Variants in EPHB2 observed in about 807,000 individuals in gnomAD.
EPHB2 encodes EPH receptor B2.
EPHB2 carries 18 observed loss-of-function variants against 96.4 expected under a neutral mutation model. That is an observed-to-expected ratio of 0.19 (90% CI 0.13 to 0.28). EPHB2 has a LOEUF of 0.28. Ranked by LOEUF, EPHB2 falls within the 10% of genes least tolerant of loss-of-function variation. The pLI, the probability that EPHB2 is intolerant of heterozygous loss-of-function variation, is 1.00. For missense variants in EPHB2, 989 were observed against 1,355.4 expected, an observed-to-expected ratio of 0.73 and a Z score of 4.25; for synonymous variants, 506 against 534.1, an observed-to-expected ratio of 0.95 and a Z score of 0.72.
At chr1:22,724,741 A>AG (rs967121465) in intron 1 of EPHB2, among the ~76,000 whole-genome samples, 29 of 152,186 alleles carry the variant, frequency 1.9e-4, no homozygotes, top group African/African-American at 6.8e-4. Flanking sequence ...CAGCTGCCGC[A>AG]GGACATGGCC....
chr1:22,856,017 C>A (rs1226252747), intron 3 of EPHB2, among the ~76,000 whole-genome samples: 1 of 152,168 alleles, frequency 6.6e-6, no homozygotes, highest in East Asian at 1.9e-4. Context: ...CAGACAGCGC[C>A]CTCTGGTCTA....
In EPHB2 at chr1:22,892,887, C is replaced by A. The variant is rs774732880; in HGVS notation, c.1432C>A (p.Leu478Ile). The part of the protein sequence containing the change: ...DYELQYYEKE[L>I]SEYNATAIKS... ...TTTCTTCTCTGTTCCTCGGCAGGAG[C>A]TCAGTGAGTACAACGCCACAGCCAT... Residue 478 changes from leucine to isoleucine, a missense_variant, in exon 7 of 16, where the codon CTC becomes ATC. Coordinates refer to ENST00000374630, the MANE Select transcript of EPHB2 (RefSeq NM_017449.5). 1 of 1,614,226 alleles carries A rather than the reference C, an allele frequency of 6.2e-7. No individual in the cohort carries two copies. Among genetic ancestry groups the A allele is most frequent in the South Asian group, 1.1e-5 (1 of 91,086 alleles).
chr1:22,712,415 A>T (rs974640610), intron 1 of EPHB2, among the ~76,000 whole-genome samples: 2 of 152,090 alleles, frequency 1.3e-5, no homozygotes, highest in Non-Finnish European at 2.9e-5. Context: ...CTCTCAGGCC[A>T]CTTTAGGGTT....
chr1:22,778,150 A>G (rs2817910), intron 1 of EPHB2, among the ~76,000 whole-genome samples: 108,612 of 152,042 alleles, frequency 0.71, 40,343 homozygotes, highest in Non-Finnish European at 0.82. Flanking sequence ...CTCAGCCTCC[A>G]GGGTAGCTGG....
intron 1 of EPHB2, among the ~76,000 whole-genome samples, chr1:22,720,665 C>CCCT (rs1553157976): frequency 9.8e-6 from 1 of 102,102 alleles, no homozygotes; most frequent in African/African-American, 3.4e-5. Flanking sequence ...CTCATTCCCC[C>CCCT]CCCCCCCCGC....
intron 1 of EPHB2, among the ~76,000 whole-genome samples, chr1:22,723,685 C>A (rs781748030): frequency 1.3e-5 from 2 of 152,252 alleles, no homozygotes; most frequent in African/African-American, 2.4e-5. Context: ...CACTCACTGG[C>A]GGTGTCAGGG....
At chr1:22,735,266 C>A (rs531630386) in intron 1 of EPHB2, among the ~76,000 whole-genome samples, 37 of 151,988 alleles carry the variant, frequency 2.4e-4, no homozygotes, top group East Asian at 1.7e-3. Flanking sequence ...AGTGTGACCC[C>A]ATCTCTACTA....
At chr1:22,716,250 C>T (rs1399658359) in intron 1 of EPHB2, among the ~76,000 whole-genome samples, 1 of 152,196 alleles carries the variant, frequency 6.6e-6, no homozygotes, top group Non-Finnish European at 1.5e-5. Flanking sequence ...TGTCATAGAA[C>T]ATTGGATGGG....
intron 3 of EPHB2, among the ~76,000 whole-genome samples, chr1:22,785,516 A>T (rs1644598804): frequency 6.6e-6 from 1 of 152,246 alleles, no homozygotes; most frequent in African/African-American, 2.4e-5. Context: ...GTGACCAAAC[A>T]ATAAAAGTTT....
At chr1:22,712,449 C>T (rs2148327466) in intron 1 of EPHB2, among the ~76,000 whole-genome samples, 1 of 152,348 alleles carries the variant, frequency 6.6e-6, no homozygotes, top group Non-Finnish European at 1.5e-5. Context: ...TCCCTTCTTG[C>T]AGCCTAAGAA....
intron 3 of EPHB2, among the ~76,000 whole-genome samples, chr1:22,812,644 C>T (rs1323407171): frequency 6.6e-6 from 1 of 152,206 alleles, no homozygotes; most frequent in African/African-American, 2.4e-5. Context: ...TCATGTTGAG[C>T]TGGGTCCTGG....
Position 22,810,770 on chromosome 1 carries a change from C to G in EPHB2, c.811+25694C>G, listed in dbSNP as rs367848427. On this transcript the variant is annotated intron_variant, in intron 3 of 15. Transcript: ENST00000374630. ...ACTCCCATCCAGGCCCCATCTGATT[C>G]CTTGTCACTTAATTTCCCCTGAAAT... Among the ~76,000 whole-genome samples, 6 of 152,280 alleles carry G rather than the reference C, an allele frequency of 3.9e-5. No homozygotes were observed. The East Asian group carries it at 1.2e-3, about 29-fold the overall frequency.
In EPHB2 at chr1:22,784,679, G is replaced by C; in HGVS notation, c.414G>C (p.Val138=). 1 of 1,614,050 alleles carries C rather than the reference G, an allele frequency of 6.2e-7. No homozygotes were observed. Among genetic ancestry groups the C allele is most frequent in the South Asian group, 1.1e-5 (1 of 91,078 alleles). The change falls in exon 3 of 16, where the codon GTG becomes GTC. Residue 138 remains valine (V), a synonymous_variant. Coordinates refer to ENST00000374630, the MANE Select transcript of EPHB2 (RefSeq NM_017449.5). This position sits in a 1 kb window ranked among gnomAD's most constrained non-coding sequence, Gnocchi z 5.1. Reference sequence around the variant, plus strand: ...GGATGGAGAATCCATGGGTGAAGGTGGATACCATTGCAGCCGACGAGAGCT... The same window carrying C: ...GGATGGAGAATCCATGGGTGAAGGTCGATACCATTGCAGCCGACGAGAGCT... ...PNWMENPWVK[V]DTIAADESFS... is the part of the protein sequence containing the mutation.
intron 1 of EPHB2, among the ~76,000 whole-genome samples, chr1:22,772,911 C>T (rs1279677569): frequency 6.6e-6 from 1 of 152,200 alleles, no homozygotes; most frequent in African/African-American, 2.4e-5. Context: ...CTTCTGGGAT[C>T]AGACCAAAGG....
chr1:22,739,719 A>C (rs951061811), intron 1 of EPHB2, among the ~76,000 whole-genome samples: 1 of 152,172 alleles, frequency 6.6e-6, no homozygotes, highest in Admixed American at 6.5e-5. Flanking sequence ...GGTCCCAGGC[A>C]GGTGACCCTT....
intron 3 of EPHB2, among the ~76,000 whole-genome samples, chr1:22,847,342 C>T: frequency 6.6e-6 from 1 of 152,228 alleles, no homozygotes; most frequent in East Asian, 1.9e-4. Flanking sequence ...CCCCTAACCA[C>T]TGGGAAGCAC....
intron 3 of EPHB2, among the ~76,000 whole-genome samples, chr1:22,800,577 C>T (rs1167578354): frequency 6.6e-6 from 1 of 152,166 alleles, no homozygotes; most frequent in Non-Finnish European, 1.5e-5. Context: ...CATGGGTGCC[C>T]ACCCACTCAC....
chr1:22,791,886 CAT>C (rs1011222475), intron 3 of EPHB2, among the ~76,000 whole-genome samples: 7 of 152,262 alleles, frequency 4.6e-5, no homozygotes, highest in Admixed American at 2.6e-4. Context: ...GGTCAAAGGG[CAT>C]GTACTTTTTT....
At chr1:22,833,779 T>G (rs4654821) in intron 3 of EPHB2, among the ~76,000 whole-genome samples, 106,120 of 152,062 alleles carry the variant, frequency 0.7, 37,437 homozygotes, top group East Asian at 0.87. Context: ...GGTTCAAAAC[T>G]GTTAAAAAAC....
Sources: gnomAD v4.1 joint callset for allele counts (sites outside exome capture counted in the v4.1 genomes callset) on GRCh38, gnomAD v4.1.1 for gene constraint, Gnocchi (gnomAD v3.1) non-coding constraint, MANE v1.5 for transcripts, NCBI Gene and HGNC (gene_info 2026-07-23, HGNC 2026-07-21) for gene names.